The following EDAR variants were observed in gnomAD, a reference collection of about 807,000 sequenced individuals.
EDAR encodes ectodysplasin A receptor.
Under a neutral mutation model 51.3 loss-of-function variants are expected in EDAR, and 38 were observed. The observed-to-expected ratio is 0.74, with a 90% CI of 0.57 to 0.97. The LOEUF (loss-of-function observed/expected upper bound fraction) is 0.97, where lower values mean the gene tolerates loss of function less well. EDAR is among the 50% of genes least tolerant of loss of function. The probability of loss-of-function intolerance (pLI) is 0.00; values close to 1 mark genes in which losing one functional copy is unlikely to be tolerated. For missense variants in EDAR, 528 were observed against 595.0 expected, an observed-to-expected ratio of 0.89 and a Z score of 1.17; for synonymous variants, 227 against 242.1, an observed-to-expected ratio of 0.94 and a Z score of 0.58.
At chr2:108,979,277 T>C (rs1698380019) in intron 1 of EDAR, among the ~76,000 whole-genome samples, 1 of 152,166 alleles carries the variant, frequency 6.6e-6, no homozygotes, top group South Asian at 2.1e-4. Flanking sequence ...GTCATCTGGT[T>C]GGAGAAGTTT....
chr2:108,977,215 A>C (rs1330589240), intron 1 of EDAR, among the ~76,000 whole-genome samples: 1 of 152,130 alleles, frequency 6.6e-6, no homozygotes, highest in Non-Finnish European at 1.5e-5. Flanking sequence ...GACCATCAGC[A>C]CTGCCTTTGC....
At chr2:108,937,169 G>C (rs1041575149) in intron 1 of EDAR, among the ~76,000 whole-genome samples, 1 of 152,236 alleles carries the variant, frequency 6.6e-6, no homozygotes, top group African/African-American at 2.4e-5. Context: ...GTTTCAAACA[G>C]CATCACATGG....
Position 108,896,182 on chromosome 2 carries a change from G to T in EDAR, c.*725C>A, listed in dbSNP as rs1180676761. The T allele has an allele frequency of 6.6e-6, 1 of 152,260 alleles. No individual in the cohort carries two copies. Among genetic ancestry groups the T allele is most frequent in the African/African-American group, 2.4e-5 (1 of 41,462 alleles). 9.4% of individuals were successfully genotyped at this position (152,260 alleles called of 1,614,324 possible). Reference sequence around the variant, plus strand: ...GGACAAACACATGCCTTGCATATTGGTTTTGTATAGAGTGAGCTCTTCCAT... The same window carrying T: ...GGACAAACACATGCCTTGCATATTGTTTTTGTATAGAGTGAGCTCTTCCAT... On this transcript the variant is annotated 3_prime_UTR_variant, in exon 12 of 12. Transcript: ENST00000258443.
At chr2:108,909,811 A>C (rs1246093581) in intron 9 of EDAR, among the ~76,000 whole-genome samples, 1 of 152,250 alleles carries the variant, frequency 6.6e-6, no homozygotes, top group African/African-American at 2.4e-5. Flanking sequence ...TTCACCTGCC[A>C]AATCTCCTCC....
intron 1 of EDAR, among the ~76,000 whole-genome samples, chr2:108,948,657 T>C (rs868007299): frequency 2.6e-5 from 4 of 152,118 alleles, no homozygotes; most frequent in Admixed American, 2.0e-4. Context: ...CAGACACTTA[T>C]CAAACAACCA....
intron 1 of EDAR, among the ~76,000 whole-genome samples, chr2:108,932,940 G>T (rs533865465): frequency 2.2e-4 from 34 of 152,290 alleles, no homozygotes; most frequent in African/African-American, 7.2e-4. Context: ...TGGGGAGCAC[G>T]CCTGTCCTGC....
intron 3 of EDAR, 57 bp downstream of exon 3, chr2:108,930,063 A>C: frequency 6.4e-7 from 1 of 1,569,786 alleles, no homozygotes; most frequent in Non-Finnish European, 8.7e-7. Context: ...CAACAATGCC[A>C]CAAGCAGGAG....
At chr2:108,910,906 A>G in intron 7 of EDAR, 41 bp downstream of exon 7, 1 of 1,613,898 alleles carries the variant, frequency 6.2e-7, no homozygotes, top group Non-Finnish European at 8.5e-7. Flanking sequence ...GAGTTGACGG[A>G]GAGTCCAGGA....
At chr2:108,983,004 T>C (rs1162404321) in intron 1 of EDAR, among the ~76,000 whole-genome samples, 3 of 152,216 alleles carry the variant, frequency 2.0e-5, no homozygotes, top group African/African-American at 7.2e-5. Context: ...ATGGTACTTA[T>C]TGGAGATTTT....
intron 1 of EDAR, among the ~76,000 whole-genome samples, chr2:108,984,106 AT>A (rs1348548886): frequency 6.6e-6 from 1 of 152,080 alleles, no homozygotes; most frequent in African/African-American, 2.4e-5. Flanking sequence ...GGTCTTCATA[AT>A]TTTTCTCAGA....
chr2:108,965,306 T>C (rs1199252492), intron 1 of EDAR, among the ~76,000 whole-genome samples: 1 of 151,946 alleles, frequency 6.6e-6, no homozygotes, highest in Admixed American at 6.6e-5. Flanking sequence ...TGAAACCCCA[T>C]CTCTACTAAA....
rs766496475 is a variant in EDAR, at chr2:108,897,165, C to T, written c.1089G>A (p.Thr363=). The T allele has an allele frequency of 9.3e-6, 15 of 1,613,758 alleles. No individual in the cohort carries two copies. The highest frequency in any genetic ancestry group is 2.2e-5 in the East Asian group (1 of 44,880). Residue 363 remains threonine, a synonymous_variant, in exon 12 of 12, where the codon ACG becomes ACA. Coordinates refer to ENST00000258443, the MANE Select transcript of EDAR (RefSeq NM_022336.4). ...LEKTSRMLSS[T]YNSEKAVVKT... Reference sequence around the variant, plus strand: ...TCACAACAGCCTTCTCAGAGTTGTACGTGGAGCTGAGCATTCGGCTAGTCT... The same window carrying T: ...TCACAACAGCCTTCTCAGAGTTGTATGTGGAGCTGAGCATTCGGCTAGTCT...
At chr2:108,988,544 G>A (rs1698537154) in intron 1 of EDAR, among the ~76,000 whole-genome samples, 3 of 152,248 alleles carry the variant, frequency 2.0e-5, no homozygotes, top group South Asian at 4.2e-4. Context: ...CAGCGGGTAC[G>A]CAGAGTTGGA....
chr2:108,960,309 T>C (rs1698013908), intron 1 of EDAR, among the ~76,000 whole-genome samples: 1 of 152,202 alleles, frequency 6.6e-6, no homozygotes, highest in Non-Finnish European at 1.5e-5. Context: ...TAGGAGATTG[T>C]CTGAACAAAA....
At chr2:108,897,893 AAAG>A (rs1260317875) in intron 11 of EDAR, among the ~76,000 whole-genome samples, 1 of 152,220 alleles carries the variant, frequency 6.6e-6, no homozygotes, top group Admixed American at 6.5e-5. Context: ...AAAGTGGAGA[AAAG>A]AAGACAGACC....
chr2:108,908,142 C>T, intron 9 of EDAR, 123 bp from the exon 10 acceptor site: 1 of 1,146,916 alleles, frequency 8.7e-7, no homozygotes, highest in Non-Finnish European at 1.2e-6. Flanking sequence ...ACTTGTTTTT[C>T]AGGTGTTTAC....
chr2:108,910,694 G>T (rs1696909947), intron 8 of EDAR, 82 bp downstream of exon 8: 1 of 1,520,702 alleles, frequency 6.6e-7, no homozygotes, highest in Non-Finnish European at 9.1e-7. Flanking sequence ...AGCAGAAGCA[G>T]CGAGGAGGCT....
intron 5 of EDAR, among the ~76,000 whole-genome samples, chr2:108,914,721 C>A (rs974637290): frequency 2.0e-5 from 3 of 152,210 alleles, no homozygotes; most frequent in Non-Finnish European, 4.4e-5. Context: ...TTTGTCTCTA[C>A]CAGTTCTGGA....
At chr2:108,922,019 T>G (rs887416613) in intron 5 of EDAR, among the ~76,000 whole-genome samples, 3 of 152,238 alleles carry the variant, frequency 2.0e-5, no homozygotes. Context: ...CTCAGGGGAC[T>G]TTGCTTGCTT....
Sources: allele counts gnomAD v4.1 joint callset (sites outside exome capture counted in the v4.1 genomes callset), GRCh38; gene constraint gnomAD v4.1.1; transcripts MANE v1.5; gene names NCBI Gene and HGNC (gene_info 2026-07-23, HGNC 2026-07-21).